The following SLC16A7 variants were observed in gnomAD, a reference collection of about 807,000 sequenced individuals.
SLC16A7 encodes solute carrier family 16 member 7.
A neutral mutation model predicts 34.9 loss-of-function variants in SLC16A7; 33 were observed. That is an observed-to-expected ratio of 0.94 (90% CI 0.72 to 1.26). The LOEUF (loss-of-function observed/expected upper bound fraction) is 1.26, where lower values mean the gene tolerates loss of function less well. Among genes scored for constraint, SLC16A7 ranks in the 50% most tolerant of loss-of-function variants. The pLI is 0.00. For missense variants in SLC16A7, 573 were observed against 578.1 expected (o/e 0.99, Z 0.09); for synonymous variants, 201 against 206.6 (o/e 0.97, Z 0.23).
At chr12:59,672,170 A>G (rs1425036625) in intron 2 of SLC16A7, among the ~76,000 whole-genome samples, 1 of 137,750 alleles carries the variant, frequency 7.3e-6, no homozygotes, top group African/African-American at 2.7e-5. Flanking sequence ...ACGTATATAT[A>G]TGTGTATATA....
At chr12:59,756,257 A>T (rs12231132) in intron 3 of SLC16A7, among the ~76,000 whole-genome samples, 1 of 152,208 alleles carries the variant, frequency 6.6e-6, no homozygotes, top group African/African-American at 2.4e-5. Context: ...TTGACAAATG[A>T]GATCTAATTA....
chr12:59,596,490 G>A lies in SLC16A7; in HGVS notation c.-130+254G>A, dbSNP rs1485494223. Among the ~76,000 whole-genome samples the A allele has an allele frequency of 5.1e-5, 1 of 19,582 alleles. No homozygotes were observed. Among genetic ancestry groups the A allele is most frequent in the Non-Finnish European group, 1.0e-4 (1 of 9,620 alleles). The allele number at this position is 19,582 out of a possible 152,430, so 12.8% of individuals were successfully genotyped here. On this transcript the variant is annotated intron_variant, in intron 1 of 5. Coordinates refer to ENST00000547379, the MANE Select transcript of SLC16A7 (RefSeq NM_001270623.2). This position sits in a 1 kb window ranked among gnomAD's most constrained non-coding sequence, Gnocchi z 5.0. ...GCGCGCCGACAGCTGCCCGGGAACT[G>A]AGGGGGCGCGCGGGGTCCTGGGCAA...
At chr12:59,735,804 ATAAG>A (rs778877519) in intron 3 of SLC16A7, 2 of 221,444 alleles carry the variant, frequency 9.0e-6, no homozygotes, top group Non-Finnish European at 1.6e-5. Context: ...ATTTTGCAGA[ATAAG>A]TAATATATTA....
chr12:59,778,650 T>G (rs1211720159), intron 5 of SLC16A7, among the ~76,000 whole-genome samples: 7 of 152,016 alleles, frequency 4.6e-5, no homozygotes, highest in Admixed American at 4.6e-4. Flanking sequence ...TTAAATGGTC[T>G]CAATAATCAA....
intron 3 of SLC16A7, among the ~76,000 whole-genome samples, chr12:59,722,705 C>G (rs12369054): frequency 6.6e-6 from 1 of 151,962 alleles, no homozygotes; most frequent in South Asian, 2.1e-4. Context: ...AAAATCACCT[C>G]TCATAGAGGT....
intron 2 of SLC16A7, among the ~76,000 whole-genome samples, chr12:59,684,913 G>A (rs1039421516): frequency 1.3e-5 from 2 of 152,144 alleles, no homozygotes; most frequent in Non-Finnish European, 2.9e-5. Context: ...GACACAATGA[G>A]TAAAGACAAA....
chr12:59,638,863 GT>G (rs1278012828), intron 1 of SLC16A7, among the ~76,000 whole-genome samples: 36 of 152,102 alleles, frequency 2.4e-4, no homozygotes, highest in Non-Finnish European at 5.1e-4. Flanking sequence ...AGCCAGAATA[GT>G]TAATTCTTAA....
chr12:59,751,765 C>A (rs957751536), intron 3 of SLC16A7, among the ~76,000 whole-genome samples: 4 of 152,212 alleles, frequency 2.6e-5, no homozygotes, highest in African/African-American at 9.7e-5. Context: ...GTTCTCCCAG[C>A]ATGCAGCTGG....
intron 1 of SLC16A7, among the ~76,000 whole-genome samples, chr12:59,608,726 T>A (rs1341719221): frequency 6.6e-6 from 1 of 152,270 alleles, no homozygotes; most frequent in Non-Finnish European, 1.5e-5. Context: ...AATACTTGTA[T>A]GAGGAAATGT....
chr12:59,655,344 G>A (rs927307325), intron 2 of SLC16A7, 94 bp downstream of exon 2: 1 of 151,854 alleles, frequency 6.6e-6, no homozygotes, highest in Admixed American at 6.6e-5. Flanking sequence ...GTGAATGGTA[G>A]TATTGGCATG....
chr12:59,723,394 G>A (rs757763748), intron 3 of SLC16A7, among the ~76,000 whole-genome samples: 77 of 151,840 alleles, frequency 5.1e-4, no homozygotes, highest in Middle Eastern at 3.2e-3. Context: ...ATGTACAAAG[G>A]TGACAAAGAT....
chr12:59,671,658 T>TTCTCTC (rs34073980), intron 2 of SLC16A7, among the ~76,000 whole-genome samples: 2 of 139,578 alleles, frequency 1.4e-5, no homozygotes, highest in Admixed American at 7.3e-5. Flanking sequence ...ACAGTGCTCT[T>TTCTCTC]TCTCTCTCTC....
chr12:59,732,545 A>G (rs753003543), intron 3 of SLC16A7, among the ~76,000 whole-genome samples: 2 of 152,042 alleles, frequency 1.3e-5, no homozygotes, highest in East Asian at 1.9e-4. Flanking sequence ...ACAGAAGATC[A>G]TATGTGACTG....
chr12:59,683,925 A>G (rs561153350), intron 2 of SLC16A7, among the ~76,000 whole-genome samples: 1 of 152,350 alleles, frequency 6.6e-6, no homozygotes, highest in South Asian at 2.1e-4. Flanking sequence ...ATTACATACC[A>G]TTAAAAATTG....
At chr12:59,702,760 A>T (rs1311348488) in intron 2 of SLC16A7, among the ~76,000 whole-genome samples, 1 of 152,096 alleles carries the variant, frequency 6.6e-6, no homozygotes, top group African/African-American at 2.4e-5. Flanking sequence ...TACTATGGAT[A>T]TGCAGAGAGG....
chr12:59,678,217 G>A (rs1870464233), intron 2 of SLC16A7, among the ~76,000 whole-genome samples: 1 of 152,182 alleles, frequency 6.6e-6, no homozygotes, highest in Non-Finnish European at 1.5e-5. Flanking sequence ...GCAACATGGC[G>A]AGGAAGGGGT....
chr12:59,631,419 C>G (rs1880177326), intron 1 of SLC16A7, among the ~76,000 whole-genome samples: 1 of 151,848 alleles, frequency 6.6e-6, no homozygotes, highest in Non-Finnish European at 1.5e-5. Flanking sequence ...TAGTAATGCA[C>G]TATTATGTTT....
At chr12:59,758,115 A>G (rs1880598675) in intron 3 of SLC16A7, among the ~76,000 whole-genome samples, 2 of 152,086 alleles carry the variant, frequency 1.3e-5, no homozygotes, top group Admixed American at 6.6e-5. Context: ...CTGCATACAC[A>G]GAGTGTGTTG....
intron 1 of SLC16A7, among the ~76,000 whole-genome samples, chr12:59,606,314 A>C (rs570009514): frequency 2.6e-4 from 39 of 152,334 alleles, no homozygotes; most frequent in Non-Finnish European, 4.6e-4. Flanking sequence ...CCAGTTGGGA[A>C]TACAACCTAA....
Sources: gnomAD v4.1 joint callset for allele counts (sites outside exome capture counted in the v4.1 genomes callset) on GRCh38, gnomAD v4.1.1 for gene constraint, Gnocchi (gnomAD v3.1) non-coding constraint, MANE v1.5 for transcripts, NCBI Gene and HGNC (gene_info 2026-07-23, HGNC 2026-07-21) for gene names.